The following CD276 variants were observed in gnomAD, a reference collection of about 807,000 sequenced individuals.
CD276 encodes CD276 antigen.
Under a neutral mutation model 50.0 loss-of-function variants are expected in CD276, and 34 were observed. The ratio of observed to expected loss-of-function variants is 0.68; its 90% CI spans 0.52 to 0.91. CD276 has a LOEUF of 0.91. CD276 is among the 40% of genes least tolerant of loss of function. The probability of loss-of-function intolerance (pLI) is 0.00; values close to 1 mark genes in which losing one functional copy is unlikely to be tolerated. For missense variants in CD276, 634 were observed against 717.5 expected, an observed-to-expected ratio of 0.88 and a Z score of 1.33; for synonymous variants, 275 against 313.0, an observed-to-expected ratio of 0.88 and a Z score of 1.28.
intron 2 of CD276, among the ~76,000 whole-genome samples, chr15:73,701,088 G>T (rs1229365617): frequency 6.6e-6 from 1 of 151,144 alleles, no homozygotes; most frequent in East Asian, 2.0e-4. Context: ...TAGAGGTGGG[G>T]TTTCACCATA....
At position 73,699,736 on chromosome 15, in the gene CD276, G is replaced by A. The variant is rs1323311278; in HGVS notation, c.79+18G>A. ...CCTCACAGGTGAGGGTAGCAGCATGGGGACGGGAGGGGAGGGACAGTGATT... is the reference window on the plus strand; with the variant it reads ...CCTCACAGGTGAGGGTAGCAGCATGAGGACGGGAGGGGAGGGACAGTGATT... On this transcript the variant is annotated intron_variant, in intron 2 of 9. Transcript: ENST00000318443. 1 of 1,575,110 alleles carries A rather than the reference G, an allele frequency of 6.3e-7. No homozygotes were observed. The highest frequency in any genetic ancestry group is 1.3e-5 in the African/African-American group (1 of 74,184).
intron 8 of CD276, 110 bp from the exon 9 acceptor site, chr15:73,711,025 T>C: frequency 3.5e-6 from 4 of 1,128,554 alleles, no homozygotes; most frequent in Non-Finnish European, 5.3e-6. Flanking sequence ...GGTCCCACTC[T>C]GCTGACTTGT....
intron 1 of CD276, among the ~76,000 whole-genome samples, chr15:73,697,163 A>G (rs1434517108): frequency 6.6e-6 from 1 of 152,156 alleles, no homozygotes; most frequent in Non-Finnish European, 1.5e-5. Flanking sequence ...GGTGCCTGCC[A>G]AAGGTGCTTT....
At position 73,687,569 on chromosome 15, in the gene CD276, C is replaced by T. The variant is rs747348933; in HGVS notation, c.-55+3109C>T. Among the ~76,000 whole-genome samples the T allele has an allele frequency of 6.6e-6, 1 of 152,230 alleles. No individual in the cohort carries two copies. The highest frequency in any genetic ancestry group is 1.5e-5 in the Non-Finnish European group (1 of 68,046). On this transcript the variant is annotated intron_variant, in intron 1 of 9. Coordinates refer to ENST00000318443, the MANE Select transcript of CD276 (RefSeq NM_001024736.2). This position sits in a 1 kb window ranked among gnomAD's most constrained non-coding sequence, Gnocchi z 4.0. ...CCTGGGTGACCCAGTGACTAGTGGC[C>T]TTCACAGCATAGTCAGGGCCTTTGC...
In CD276 at chr15:73,711,177, A is replaced by C. The variant is rs113886803; in HGVS notation, c.1582+7A>C. On this transcript the variant is annotated splice_region_variant and intron_variant, in intron 9 of 9. Coordinates refer to ENST00000318443, the MANE Select transcript of CD276 (RefSeq NM_001024736.2). Reference sequence around the variant, plus strand: ...CACTCTGACAGCAAAGAAGGTAAAGACACCTGGGCTTGAGGTTGTGTCTGT... The same window carrying C: ...CACTCTGACAGCAAAGAAGGTAAAGCCACCTGGGCTTGAGGTTGTGTCTGT... The C allele has an allele frequency of 1.7e-3, 2,717 of 1,613,778 alleles. 28 individuals are homozygous for C. The African/African-American group carries it at 0.031, about 18-fold the overall frequency.
In CD276 at chr15:73,704,326, T is replaced by C; in HGVS notation, c.1223T>C (p.Val408Ala). ...DGQGVPLTGN[V>A]TTSQMANEQG... ...CAGGGTGTGCCCCTGACTGGCAACGTGACCACGTCGCAGATGGCCAACGAG... is the reference window on the plus strand; with the variant it reads ...CAGGGTGTGCCCCTGACTGGCAACGCGACCACGTCGCAGATGGCCAACGAG... Residue 408 changes from valine (V) to alanine (A), a missense_variant, in exon 6 of 10, where the codon GTG (valine) becomes GCG (alanine). Transcript: ENST00000318443. The surrounding 1 kb of genome is among the most constrained non-coding windows in gnomAD (Gnocchi z 4.1). The C allele has an allele frequency of 1.9e-6, 3 of 1,613,934 alleles. No homozygotes were observed. The highest frequency in any genetic ancestry group is 2.5e-6 in the Non-Finnish European group (3 of 1,180,032).
chr15:73,703,501 G>T, intron 4 of CD276, among the ~76,000 whole-genome samples, 158 bp from the exon 5 acceptor site: 1 of 152,176 alleles, frequency 6.6e-6, no homozygotes, highest in East Asian at 1.9e-4. Context: ...CTCCATATCT[G>T]AGAGTCCTCA....
At chr15:73,708,660 GTC>G (rs1312014669) in intron 7 of CD276, 187 bp downstream of exon 7, 1 of 648,920 alleles carries the variant, frequency 1.5e-6, no homozygotes, top group Non-Finnish European at 2.7e-6. Context: ...GCGTGAGCCT[GTC>G]TGTCCATGTG....
Position 73,713,288 on chromosome 15 carries a change from A to C in CD276, c.*332A>C, listed in dbSNP as rs1735879485. On this transcript the variant is annotated 3_prime_UTR_variant, in exon 10 of 10. Transcript: ENST00000318443. Reference sequence around the variant, plus strand: ...GACCACATCACCACCCTCTTCTTCCAGTGCTGCGTGGACCATCTGGCTGCC... The same window carrying C: ...GACCACATCACCACCCTCTTCTTCCCGTGCTGCGTGGACCATCTGGCTGCC... 2 of 343,370 alleles carry C rather than the reference A, an allele frequency of 5.8e-6. No homozygotes were observed. The allele number at this position is 343,370 out of a possible 1,614,324, so 21.3% of individuals were successfully genotyped here. A position where few individuals can be genotyped will look rare whatever the true frequency, so the allele number is the denominator to read the frequency against.
intron 2 of CD276, among the ~76,000 whole-genome samples, chr15:73,702,042 T>C (rs1900410685): frequency 6.6e-6 from 1 of 152,238 alleles, no homozygotes; most frequent in South Asian, 2.1e-4. Flanking sequence ...GTAGTATTGC[T>C]CTCTGTTGCA....
intron 1 of CD276, among the ~76,000 whole-genome samples, chr15:73,689,669 C>G (rs953781423): frequency 3.3e-5 from 5 of 152,130 alleles, no homozygotes; most frequent in African/African-American, 1.2e-4. Flanking sequence ...AACTGAGGCT[C>G]AGAGAGGATA....
chr15:73,689,542 G>A (rs1164394285), intron 1 of CD276, among the ~76,000 whole-genome samples: 1 of 152,154 alleles, frequency 6.6e-6, no homozygotes. Context: ...TTCTGAGGCT[G>A]CTGCCCATTT....
In CD276 at chr15:73,711,162, G is replaced by A; in HGVS notation, c.1574G>A (p.Ser525Asn). 1 of 1,613,926 alleles carries A rather than the reference G, an allele frequency of 6.2e-7. No individual in the cohort carries two copies. Among genetic ancestry groups the A allele is most frequent in the Non-Finnish European group, 8.5e-7 (1 of 1,180,016 alleles). ...TALQPLKHSD[S>N]KEDDGQEIA is the part of the protein sequence containing the mutation. ...CTGCAGCCTCTGAAACACTCTGACA[G>A]CAAAGAAGGTAAAGACACCTGGGCT... Residue 525 changes from serine (S) to asparagine (N), a missense_variant, in exon 9 of 10, where the codon AGC becomes AAC. Physicochemically the swap from Ser to Asn is conservative, Grantham distance 46. Coordinates refer to ENST00000318443, the MANE Select transcript of CD276 (RefSeq NM_001024736.2).
chr15:73,685,598 G>T (rs1161792018), intron 1 of CD276, among the ~76,000 whole-genome samples: 1 of 151,864 alleles, frequency 6.6e-6, no homozygotes, highest in Non-Finnish European at 1.5e-5. Context: ...TAAAGCCCGG[G>T]GTCCTTTTCT....
rs754336923 is a variant in CD276, at chr15:73,703,958, C to G, written c.1033C>G (p.Arg345Gly). ...CAGCTTCACCTGCTTCGTGAGCATC[C>G]GGGATTTCGGCAGCGCTGCCGTCAG... ...EGSFTCFVSIRDFGSAAVSLQ... is the reference protein window; with the variant it reads ...EGSFTCFVSIGDFGSAAVSLQ... Residue 345 changes from arginine to glycine, a missense_variant, in exon 5 of 10, where the codon CGG (arginine) becomes GGG (glycine). Physicochemically the swap from Arg to Gly is moderately radical, Grantham distance 125. Coordinates refer to ENST00000318443, the MANE Select transcript of CD276 (RefSeq NM_001024736.2). 6.2e-7 allele frequency: 1 copy of G among 1,612,190 alleles called. No homozygotes were observed. Among genetic ancestry groups the G allele is most frequent in the Admixed American group, 1.7e-5 (1 of 60,004 alleles).
At chr15:73,686,699 G>T (rs1386303239) in intron 1 of CD276, among the ~76,000 whole-genome samples, 1 of 152,122 alleles carries the variant, frequency 6.6e-6, no homozygotes, top group Non-Finnish European at 1.5e-5. Flanking sequence ...AGAGCTGTGA[G>T]TTGGAATTCC....
chr15:73,705,956 A>G (rs1048137449), intron 6 of CD276, among the ~76,000 whole-genome samples: 15 of 152,224 alleles, frequency 9.9e-5, no homozygotes, highest in African/African-American at 3.4e-4. Context: ...AAGTGATTTC[A>G]AAAAAATTTA....
chr15:73,704,306 T>G lies in CD276; in HGVS notation c.1203T>G (p.Gly401=), dbSNP rs1596016240. The G allele has an allele frequency of 5.6e-6, 9 of 1,613,800 alleles. No homozygotes were observed. Among genetic ancestry groups the G allele is most frequent in the Non-Finnish European group, 6.8e-6 (8 of 1,179,994 alleles). ...EAEVFWQDGQ[G]VPLTGNVTTS... Reference sequence around the variant, plus strand: ...AGGTGTTCTGGCAGGATGGGCAGGGTGTGCCCCTGACTGGCAACGTGACCA... The same window carrying G: ...AGGTGTTCTGGCAGGATGGGCAGGGGGTGCCCCTGACTGGCAACGTGACCA... The change falls in exon 6 of 10, where the codon GGT becomes GGG. Residue 401 remains glycine (G), a synonymous_variant. Transcript: ENST00000318443. The surrounding 1 kb of genome is among the most constrained non-coding windows in gnomAD (Gnocchi z 4.1).
intron 9 of CD276, chr15:73,711,471 C>G: frequency 2.7e-6 from 1 of 367,322 alleles, no homozygotes; most frequent in Non-Finnish European, 5.0e-6. Context: ...TTCCACTTAC[C>G]TGGATTCTGC....
Sources: allele counts gnomAD v4.1 joint callset (sites outside exome capture counted in the v4.1 genomes callset), GRCh38; gene constraint gnomAD v4.1.1; non-coding constraint Gnocchi (gnomAD v3.1); transcripts MANE v1.5; gene names NCBI Gene and HGNC (gene_info 2026-07-23, HGNC 2026-07-21).